Variants in RIMS4 observed in about 807,000 individuals in gnomAD.
RIMS4 encodes regulating synaptic membrane exocytosis protein 4.
In RIMS4, 9 loss-of-function variants were observed where a neutral mutation model predicts 29.0. That is an observed-to-expected ratio of 0.31 (90% CI 0.19 to 0.54). The LOEUF is 0.54. Among genes scored for constraint, RIMS4 ranks in the 20% least tolerant of loss-of-function variants. The pLI, the probability that RIMS4 is intolerant of heterozygous loss-of-function variation, is 0.94. For missense variants in RIMS4, 193 were observed against 365.7 expected (o/e 0.53, Z 3.85); for synonymous variants, 130 against 152.9 (o/e 0.85, Z 1.10).
chr20:44,810,096 G>C, intron 1 of RIMS4, 79 bp downstream of exon 1: 1 of 739,858 alleles, frequency 1.4e-6, no homozygotes, highest in South Asian at 1.6e-5. Context: ...GGGGAGGAGG[G>C]CGCACGGGTC....
chr20:44,791,491 T>A (rs1222322985), intron 1 of RIMS4, among the ~76,000 whole-genome samples: 1 of 152,212 alleles, frequency 6.6e-6, no homozygotes, highest in East Asian at 1.9e-4. Flanking sequence ...ATATGTGAAA[T>A]CCTAGCACGG....
chr20:44,790,763 C>A (rs941554639), intron 1 of RIMS4, among the ~76,000 whole-genome samples: 8 of 152,216 alleles, frequency 5.3e-5, no homozygotes, highest in African/African-American at 1.9e-4. Context: ...GGAGACAGAA[C>A]CTACAAATTC....
At chr20:44,767,129 T>C (rs1291110586) in intron 2 of RIMS4, among the ~76,000 whole-genome samples, 2 of 152,196 alleles carry the variant, frequency 1.3e-5, no homozygotes, top group Non-Finnish European at 2.9e-5. Flanking sequence ...TCTGCTATTA[T>C]TTTCTAGAAT....
In RIMS4 at chr20:44,756,159, A is replaced by G. The variant is rs2066058855; in HGVS notation, c.785T>C (p.Val262Ala). Reference protein sequence around the residue: ...QASQLSLESTVGPCGERS With the variant: ...QASQLSLESTAGPCGERS ...CTAAGATCGTTCTCCGCAGGGCCCC[A>G]CGGTGCTCTCGAGGGACAACTGGGA... Residue 262 changes from valine to alanine, a missense_variant, in exon 6 of 6, where the codon GTG (valine) becomes GCG (alanine). Transcript: ENST00000372851. This position sits in a 1 kb window ranked among gnomAD's most constrained non-coding sequence, Gnocchi z 5.9. 6.2e-7 allele frequency: 1 copy of G among 1,611,826 alleles called. No homozygotes were observed. The highest frequency in any genetic ancestry group is 8.5e-7 in the Non-Finnish European group (1 of 1,179,132).
At chr20:44,775,839 C>T (rs2066157967) in intron 1 of RIMS4, among the ~76,000 whole-genome samples, 2 of 152,368 alleles carry the variant, frequency 1.3e-5, no homozygotes, top group South Asian at 4.1e-4. Context: ...TACCCATTTA[C>T]ACCCAACCAG....
intron 2 of RIMS4, among the ~76,000 whole-genome samples, chr20:44,768,400 G>A (rs1475603454): frequency 6.6e-6 from 1 of 152,222 alleles, no homozygotes; most frequent in Non-Finnish European, 1.5e-5. Context: ...GTGCTCAAGT[G>A]GGGCTGGCTC....
chr20:44,757,607 T>C (rs964391841), intron 4 of RIMS4, 63 bp downstream of exon 4: 43 of 1,340,006 alleles, frequency 3.2e-5, no homozygotes, highest in Middle Eastern at 1.8e-4. Flanking sequence ...AGGCCCTCAG[T>C]ACCCATCAGG....
intron 2 of RIMS4, among the ~76,000 whole-genome samples, chr20:44,764,030 CCATCCATCCATCCATT>C (rs2066097903): frequency 2.2e-5 from 3 of 133,754 alleles, no homozygotes; most frequent in African/African-American, 5.8e-5. Flanking sequence ...ATCCATTTAT[CCATCCATCCATCCATT>C]TATCCATCCA....
At chr20:44,772,682 A>G (rs1248465817) in intron 1 of RIMS4, among the ~76,000 whole-genome samples, 2 of 152,174 alleles carry the variant, frequency 1.3e-5, no homozygotes, top group Admixed American at 6.5e-5. Flanking sequence ...GGGGTAGATC[A>G]TTAGTGGGAT....
At position 44,758,061 on chromosome 20, in the gene RIMS4, G is replaced by A. The variant is rs762219490; in HGVS notation, c.349+11C>T. 35 of 1,583,408 alleles carry A rather than the reference G, an allele frequency of 2.2e-5. No individual in the cohort carries two copies. Among genetic ancestry groups the A allele is most frequent in the Non-Finnish European group, 2.5e-5 (29 of 1,159,648 alleles). On this transcript the variant is annotated intron_variant, in intron 3 of 5. Transcript: ENST00000372851. ...CCCTAGTCCATTTGAAACCAGCCTT[G>A]GGGCACTCACCCATGGGTGTGGTGG...
At chr20:44,777,490 T>C (rs1228713580) in intron 1 of RIMS4, among the ~76,000 whole-genome samples, 1 of 152,120 alleles carries the variant, frequency 6.6e-6, no homozygotes, top group Non-Finnish European at 1.5e-5. Context: ...ACCATAACAC[T>C]GAAAGACAAG....
At chr20:44,797,120 A>G (rs1157159051) in intron 1 of RIMS4, among the ~76,000 whole-genome samples, 1 of 152,248 alleles carries the variant, frequency 6.6e-6, no homozygotes, top group African/African-American at 2.4e-5. Flanking sequence ...ACTGCTGTAT[A>G]AATACCTGAG....
chr20:44,783,215 C>T (rs1568901801), intron 1 of RIMS4, among the ~76,000 whole-genome samples: 1 of 152,216 alleles, frequency 6.6e-6, no homozygotes, highest in East Asian at 1.9e-4. Flanking sequence ...CAAATGTTCA[C>T]AGTAGCATTA....
In RIMS4 at chr20:44,754,213, G is replaced by A. The variant is rs1311615092; in HGVS notation, c.*1921C>T. ...CCCCAGCCTTGGGATTCCACCCACC[G>A]CGGTCCCAGGAAACTCTGAAGACCT... On this transcript the variant is annotated 3_prime_UTR_variant, in exon 6 of 6. Transcript: ENST00000372851. The A allele has an allele frequency of 1.3e-5, 2 of 152,324 alleles. No individual in the cohort carries two copies. Among genetic ancestry groups the A allele is most frequent in the Non-Finnish European group, 1.5e-5 (1 of 68,102 alleles). The allele number at this position is 152,324 out of a possible 1,614,324, so 9.4% of individuals were successfully genotyped here. A position where few individuals can be genotyped will look rare whatever the true frequency, so the allele number is the denominator to read the frequency against.
Position 44,809,061 on chromosome 20 carries a change from C to G in RIMS4, c.97+1114G>C, listed in dbSNP as rs73907577. Among the ~76,000 whole-genome samples, 736 of 152,224 alleles carry G rather than the reference C, an allele frequency of 4.8e-3. 9 individuals carry two copies. The highest frequency in any genetic ancestry group is 0.017 in the African/African-American group (696 of 41,500). On this transcript the variant is annotated intron_variant, in intron 1 of 5. Coordinates refer to ENST00000372851, the MANE Select transcript of RIMS4 (RefSeq NM_182970.4). ...GAATTCAAAGACTCTCGGATTTTCACCTTATAAAACACTGAACTCCACCCT... is the reference window on the plus strand; with the variant it reads ...GAATTCAAAGACTCTCGGATTTTCAGCTTATAAAACACTGAACTCCACCCT...
intron 1 of RIMS4, among the ~76,000 whole-genome samples, chr20:44,778,188 A>G (rs957882207): frequency 1.3e-5 from 2 of 152,210 alleles, no homozygotes; most frequent in Non-Finnish European, 2.9e-5. Context: ...GGATGGGTGG[A>G]GGAAGCACAA....
chr20:44,778,851 G>A (rs929947378), intron 1 of RIMS4, among the ~76,000 whole-genome samples: 1 of 152,156 alleles, frequency 6.6e-6, no homozygotes, highest in African/African-American at 2.4e-5. Context: ...TTTTGAGAAA[G>A]TTACTCAACC....
At position 44,755,656 on chromosome 20, in the gene RIMS4, C is replaced by T. The variant is rs2066056322; in HGVS notation, c.*478G>A. ...GGGCCCCTGGGAGCTGGCTCCGGAT[C>T]CTTGCAAAGCTGCCCCTTCATCTCT... On this transcript the variant is annotated 3_prime_UTR_variant, in exon 6 of 6. Coordinates refer to ENST00000372851, the MANE Select transcript of RIMS4 (RefSeq NM_182970.4). 6.5e-6 allele frequency: 1 copy of T among 154,336 alleles called. No individual in the cohort carries two copies. The highest frequency in any genetic ancestry group is 1.4e-5 in the Non-Finnish European group (1 of 69,036). The allele number at this position is 154,336 out of a possible 1,614,324, so 9.6% of individuals were successfully genotyped here.
intron 1 of RIMS4, among the ~76,000 whole-genome samples, chr20:44,790,346 C>T (rs1266684717): frequency 6.6e-6 from 1 of 152,020 alleles, no homozygotes; most frequent in Non-Finnish European, 1.5e-5. Context: ...ATGCTCTGGC[C>T]AGGCACTGTG....
Sources: allele counts gnomAD v4.1 joint callset (sites outside exome capture counted in the v4.1 genomes callset), GRCh38; gene constraint gnomAD v4.1.1; non-coding constraint Gnocchi (gnomAD v3.1); transcripts MANE v1.5; gene names NCBI Gene and HGNC (gene_info 2026-07-23, HGNC 2026-07-21).